The following ROBO2 variants were observed in gnomAD, a reference collection of about 807,000 sequenced individuals.
ROBO2 encodes the protein roundabout guidance receptor 2.
A neutral mutation model predicts 160.8 loss-of-function variants in ROBO2; 53 were observed. The ratio of observed to expected loss-of-function variants is 0.33; its 90% CI spans 0.26 to 0.41. ROBO2 has a LOEUF of 0.41. Ranked by LOEUF, ROBO2 falls within the 10% of genes least tolerant of loss-of-function variation. The pLI, the probability that ROBO2 is intolerant of heterozygous loss-of-function variation, is 1.00. For synonymous variants in ROBO2, 664 were observed against 611.7 expected (o/e 1.09, Z -1.26); for missense variants, 1,577 against 1,722.4 (o/e 0.92, Z 1.49).
intron 2 of ROBO2, among the ~76,000 whole-genome samples, chr3:76,957,044 T>G (rs894691055): frequency 5.9e-5 from 9 of 152,128 alleles, no homozygotes; most frequent in African/African-American, 2.2e-4. Flanking sequence ...AGGCACATCT[T>G]TGTTTAATAC....
chr3:76,103,855 G>T (rs2069806988), intron 2 of ROBO2, among the ~76,000 whole-genome samples: 1 of 152,136 alleles, frequency 6.6e-6, no homozygotes, highest in South Asian at 2.1e-4. Flanking sequence ...CTCCTGGTGG[G>T]GCTGCTGCTG....
intron 2 of ROBO2, among the ~76,000 whole-genome samples, chr3:76,248,410 A>G (rs1265387672): frequency 1.3e-5 from 2 of 150,776 alleles, no homozygotes; most frequent in African/African-American, 2.4e-5. Flanking sequence ...CAAACACTGC[A>G]TATTCTCACT....
chr3:76,232,595 C>G (rs2107476502), intron 2 of ROBO2, among the ~76,000 whole-genome samples: 1 of 152,320 alleles, frequency 6.6e-6, no homozygotes, highest in South Asian at 2.1e-4. Flanking sequence ...CAGAAACAGT[C>G]ATTGTATCTG....
chr3:77,242,936 A>G (rs1278435426), intron 2 of ROBO2, among the ~76,000 whole-genome samples: 1 of 151,420 alleles, frequency 6.6e-6, no homozygotes, highest in Non-Finnish European at 1.5e-5. Context: ...AGAAAAGGAA[A>G]GAGAGAGAGA....
intron 2 of ROBO2, among the ~76,000 whole-genome samples, chr3:77,345,044 A>G (rs966809922): frequency 6.6e-6 from 1 of 152,120 alleles, no homozygotes; most frequent in African/African-American, 2.4e-5. Context: ...ATGTGGGTCA[A>G]TAATTTGTGG....
intron 2 of ROBO2, among the ~76,000 whole-genome samples, chr3:76,101,479 T>G (rs183844210): frequency 6.6e-6 from 1 of 152,164 alleles, no homozygotes; most frequent in African/African-American, 2.4e-5. Context: ...GCTGGAGATA[T>G]ACATTTTGGA....
intron 2 of ROBO2, among the ~76,000 whole-genome samples, chr3:76,655,877 TA>T (rs963282278): frequency 2.6e-5 from 4 of 151,960 alleles, no homozygotes; most frequent in African/African-American, 9.7e-5. Context: ...TTCTTAAAAA[TA>T]AAAATACATT....
intron 2 of ROBO2, among the ~76,000 whole-genome samples, chr3:76,567,654 C>CATATATATATATATAT (rs1259065851): frequency 2.4e-5 from 1 of 41,638 alleles, no homozygotes; most frequent in Non-Finnish European, 4.4e-5. Context: ...TATATATATA[C>CATATATATATATATAT]ACATACACAT....
At chr3:76,358,025 G>C (rs530404624) in intron 2 of ROBO2, among the ~76,000 whole-genome samples, 133 of 151,768 alleles carry the variant, frequency 8.8e-4, no homozygotes, top group African/African-American at 3.1e-3. Context: ...CTAGCAATCA[G>C]TTATTTTGGG....
At chr3:75,995,378 G>A (rs752233432) in intron 2 of ROBO2, among the ~76,000 whole-genome samples, 2 of 152,198 alleles carry the variant, frequency 1.3e-5, no homozygotes, top group Non-Finnish European at 2.9e-5. Context: ...TTGCTTCAGA[G>A]GGTGCAAGCC....
intron 2 of ROBO2, among the ~76,000 whole-genome samples, chr3:77,446,678 T>G (rs997914940): frequency 1.3e-5 from 2 of 152,078 alleles, no homozygotes; most frequent in African/African-American, 4.8e-5. Flanking sequence ...ATATTATAAT[T>G]TCTACAATAT....
At chr3:77,537,309 A>T (rs1559564834) in intron 6 of ROBO2, among the ~76,000 whole-genome samples, 1 of 152,134 alleles carries the variant, frequency 6.6e-6, no homozygotes, top group Non-Finnish European at 1.5e-5. Context: ...ATATTATATG[A>T]ACCCTCCAAA....
rs534430143 is a variant in ROBO2, at chr3:76,676,480, A to G, written c.110-421534A>G. 2.0e-5 allele frequency among the ~76,000 whole-genome samples: 3 copies of G among 152,306 alleles called. No individual in the cohort carries two copies. In the East Asian group the frequency reaches 5.8e-4, roughly 29 times the overall value. ...CTTTATAGCAGCGTGAAAACGGACT[A>G]ATACAACAAGGTATAAACAAAGTGT... On this transcript the variant is annotated intron_variant, in intron 2 of 26. Transcript: ENST00000487694.
chr3:76,222,608 T>A (rs1704039861), intron 2 of ROBO2, among the ~76,000 whole-genome samples: 1 of 152,170 alleles, frequency 6.6e-6, no homozygotes, highest in Non-Finnish European at 1.5e-5. Flanking sequence ...TTAACAACCA[T>A]CTGACCATCA....
At chr3:75,985,815 T>C (rs1379645840) in intron 2 of ROBO2, among the ~76,000 whole-genome samples, 2 of 151,664 alleles carry the variant, frequency 1.3e-5, no homozygotes, top group Non-Finnish European at 3.0e-5. Flanking sequence ...TCTTTTGTTA[T>C]TGGCTTATTT....
chr3:76,686,865 A>C lies in ROBO2; in HGVS notation c.110-411149A>C, dbSNP rs150464989. Among the ~76,000 whole-genome samples, 2 of 152,230 alleles carry C rather than the reference A, an allele frequency of 1.3e-5. 1 individual carries two copies. The highest frequency in any genetic ancestry group is 3.9e-4 in the East Asian group (2 of 5,174). ...ATAAAAGCTACAGCTATGTCATTGC[A>C]TTCTAATACCTGACCCATTTCTGTT... On this transcript the variant is annotated intron_variant, in intron 2 of 26. Transcript: ENST00000487694.
intron 16 of ROBO2, among the ~76,000 whole-genome samples, chr3:77,583,656 A>G (rs1224171283): frequency 1.3e-5 from 2 of 151,794 alleles, no homozygotes; most frequent in African/African-American, 4.8e-5. Flanking sequence ...CTCATAGTCT[A>G]CTTCTATTGA....
At chr3:76,932,085 T>C (rs780328295) in intron 2 of ROBO2, among the ~76,000 whole-genome samples, 18 of 152,210 alleles carry the variant, frequency 1.2e-4, no homozygotes, top group Non-Finnish European at 2.4e-4. Flanking sequence ...TATCAAGTCA[T>C]TTTTTCAGCT....
chr3:77,244,794 C>T (rs1285585626), intron 2 of ROBO2, among the ~76,000 whole-genome samples: 3 of 150,360 alleles, frequency 2.0e-5, no homozygotes, highest in Non-Finnish European at 4.4e-5. Context: ...AGGGGAATCG[C>T]TTGAACCTGG....
Sources: allele counts gnomAD v4.1 joint callset (sites outside exome capture counted in the v4.1 genomes callset), GRCh38; gene constraint gnomAD v4.1.1; transcripts MANE v1.5; gene names NCBI Gene and HGNC (gene_info 2026-07-23, HGNC 2026-07-21).